The following FUT1 variants were observed in gnomAD, a reference collection of about 807,000 sequenced individuals.
FUT1 encodes galactoside alpha-(1,2)-fucosyltransferase 1.
For synonymous variants in FUT1, 215 were observed against 208.7 expected, an observed-to-expected ratio of 1.03 and a Z score of -0.26; for missense variants, 476 against 492.7, an observed-to-expected ratio of 0.97 and a Z score of 0.32.
chr19:48,751,790 T>C (rs1212269195), intron 1 of FUT1, among the ~76,000 whole-genome samples: 1 of 151,854 alleles, frequency 6.6e-6, no homozygotes. Context: ...TGTCTCTACT[T>C]AAAATACAAA....
At chr19:48,754,502 C>T (rs902970279), upstream of FUT1, among the ~76,000 whole-genome samples, 2 of 152,186 alleles carry the variant, frequency 1.3e-5, no homozygotes, top group Non-Finnish European at 2.9e-5. Flanking sequence ...GCCGGTGTGA[C>T]AGAAGGCTCA....
Position 48,750,291 on chromosome 19 carries a change from G to T in FUT1, c.991C>A (p.Pro331Thr), listed in dbSNP as rs1381389919. ...AAGATCTTCAGGAACTCAGAGTCTG[G>T]CAGGGTGAAGTTGGCCAGGTAGACA... ...DTVYLANFTL[P>T]DSEFLKIFKP... Residue 331 changes from proline (P) to threonine (T), a missense_variant, in exon 2 of 2, where the codon CCA (proline) becomes ACA (threonine). Transcript: ENST00000645652. The T allele has an allele frequency of 1.2e-6, 2 of 1,614,166 alleles. No homozygotes were observed. Among genetic ancestry groups the T allele is most frequent in the Non-Finnish European group, 1.7e-6 (2 of 1,180,036 alleles).
At position 48,752,552 on chromosome 19, in the gene FUT1, A is replaced by C. The variant is rs1023179372; in HGVS notation, c.-65T>G. ...TTCGTGGCCGGAGCGCACCCTCCGC[A>C]AAGGCAGGCCACATCCGGCCGCCCC... On this transcript the variant is annotated 5_prime_UTR_variant, in exon 1 of 2. Coordinates refer to ENST00000645652, the MANE Select transcript of FUT1 (RefSeq NM_001384359.1). This position sits in a 1 kb window ranked among gnomAD's most constrained non-coding sequence, Gnocchi z 4.3. The C allele has an allele frequency of 3.0e-6, 3 of 985,338 alleles. No individual in the cohort carries two copies. The highest frequency in any genetic ancestry group is 6.2e-5 in the Admixed American group (1 of 16,256). The allele number at this position is 985,338 out of a possible 1,614,324, so 61.0% of individuals were successfully genotyped here.
chr19:48,751,334 A>G, intron 1 of FUT1, 51 bp from the exon 2 acceptor site: 13 of 1,594,860 alleles, frequency 8.2e-6, no homozygotes, highest in Middle Eastern at 3.4e-4. Flanking sequence ...TGAGGAGGGG[A>G]GGCTGAGGAG....
Position 48,749,976 on chromosome 19 carries a change from G to T in FUT1, c.*208C>A. 1 of 646,012 alleles carries T rather than the reference G, an allele frequency of 1.5e-6. No individual in the cohort carries two copies. The highest frequency in any genetic ancestry group is 2.9e-5 in the Admixed American group (1 of 34,998). 40.0% of individuals were successfully genotyped at this position (646,012 alleles called of 1,614,324 possible). On this transcript the variant is annotated 3_prime_UTR_variant, in exon 2 of 2. Coordinates refer to ENST00000645652, the MANE Select transcript of FUT1 (RefSeq NM_001384359.1). ...TTCTAGAACTGCCTGCCAGCCATCA[G>T]GAAAAGATGTTTTGCTAGTTCTAGA...
At chr19:48,754,723 T>C (rs182707661), upstream of FUT1, among the ~76,000 whole-genome samples, 3 of 152,344 alleles carry the variant, frequency 2.0e-5, no homozygotes, top group Non-Finnish European at 4.4e-5. Flanking sequence ...TTTTCTTTAT[T>C]ATACTGAAAC....
Position 48,750,058 on chromosome 19 carries a change from A to C in FUT1, c.*126T>G. 1 of 1,125,580 alleles carries C rather than the reference A, an allele frequency of 8.9e-7. No homozygotes were observed. The highest frequency in any genetic ancestry group is 2.6e-5 in the East Asian group (1 of 39,110). The allele number at this position is 1,125,580 out of a possible 1,614,324, so 69.7% of individuals were successfully genotyped here. A position where few individuals can be genotyped will look rare whatever the true frequency, so the allele number is the denominator to read the frequency against. The stretch of plus-strand genomic sequence containing the variant: ...CTCTCCAACTCTCCCAACTAGAATC[A>C]CTCTGGATACGGGCACCCATTTGCT... On this transcript the variant is annotated 3_prime_UTR_variant, in exon 2 of 2. Coordinates refer to ENST00000645652, the MANE Select transcript of FUT1 (RefSeq NM_001384359.1).
At position 48,751,361 on chromosome 19, in the gene FUT1, A is replaced by T. The variant is rs1319178718; in HGVS notation, c.-2-78T>A. 6 of 1,490,652 alleles carry T rather than the reference A, an allele frequency of 4.0e-6. No individual in the cohort carries two copies. In the African/African-American group the frequency reaches 7.0e-5, roughly 17 times the overall value. The allele number at this position is 1,490,652 out of a possible 1,614,324, so 92.3% of individuals were successfully genotyped here. ...GCTGAGGAGGGATGTGGGGTAAGGG[A>T]GGCGCCTGGGGTGCAGCACTCCTTA... On this transcript the variant is annotated intron_variant, in intron 1 of 1. Coordinates refer to ENST00000645652, the MANE Select transcript of FUT1 (RefSeq NM_001384359.1).
Position 48,749,858 on chromosome 19 carries a change from A to G in FUT1, c.*326T>C, listed in dbSNP as rs2033966604. 1 of 399,934 alleles carries G rather than the reference A, an allele frequency of 2.5e-6. No individual in the cohort carries two copies. The highest frequency in any genetic ancestry group is 5.6e-5 in the East Asian group (1 of 17,848). The allele number at this position is 399,934 out of a possible 1,614,324, so 24.8% of individuals were successfully genotyped here. On this transcript the variant is annotated 3_prime_UTR_variant, in exon 2 of 2. Transcript: ENST00000645652. ...CCAGGGGAGAAGTAACCCCTCTTCT[A>G]GAGTAGACCAGAGGGAGAGTTCCCC...
Position 48,749,092 on chromosome 19 carries a change from A to C in FUT1, c.*1092T>G. 1 of 151,970 alleles carries C rather than the reference A, an allele frequency of 6.6e-6. No individual in the cohort carries two copies. The highest frequency in any genetic ancestry group is 1.9e-4 in the East Asian group (1 of 5,182). The allele number at this position is 151,970 out of a possible 1,614,324, so 9.4% of individuals were successfully genotyped here. On this transcript the variant is annotated 3_prime_UTR_variant, in exon 2 of 2. Transcript: ENST00000645652. ...CAGATCACGAGGTCAGGAGATCGAGACCATCCTGGTTAACACGATGAAACC... is the reference window on the plus strand; with the variant it reads ...CAGATCACGAGGTCAGGAGATCGAGCCCATCCTGGTTAACACGATGAAACC...
upstream of FUT1, chr19:48,755,187 A>C (rs4239487): frequency 0.14 from 6,683 of 46,170 alleles, 87 homozygotes; most frequent in African/African-American, 0.2. Context: ...ACAGGCCCAG[A>C]CCCTCCTCCC....
rs761249893 is a variant in FUT1 at position 48,750,221 on chromosome 19, G to C, written c.1061C>G (p.Ala354Gly). The change falls in exon 2 of 2, where the codon GCA becomes GGA. Residue 354 changes from alanine (A) to glycine (G), a missense_variant. Ala to Gly is a moderately conservative substitution (Grantham distance 60). Transcript: ENST00000645652. ...CAATGTCCAGAGTGGAGACAAGTCT[G>C]CATTAATGCCCACCCACTCGGGCAG... ...AFLPEWVGIN[A>G]DLSPLWTLAK... The C allele has an allele frequency of 7.4e-6, 12 of 1,611,644 alleles. No homozygotes were observed. The highest frequency in any genetic ancestry group is 9.3e-6 in the Non-Finnish European group (11 of 1,178,962).
rs904980599 is a variant in FUT1 at position 48,752,134 on chromosome 19, A to C, written c.-3+356T>G. On this transcript the variant is annotated intron_variant, in intron 1 of 1. Transcript: ENST00000645652. The surrounding 1 kb of genome is among the most constrained non-coding windows in gnomAD (Gnocchi z 4.3). Reference sequence around the variant, plus strand: ...TAAAAAAAAAAAAAAAAAAAAAAAAAGAAAGTGGTCCAGGTTCCTACACCT... The same window carrying C: ...TAAAAAAAAAAAAAAAAAAAAAAAACGAAAGTGGTCCAGGTTCCTACACCT... 2.5e-3 allele frequency among the ~76,000 whole-genome samples: 347 copies of C among 139,680 alleles called. No homozygotes were observed. Among genetic ancestry groups the C allele is most frequent in the African/African-American group, 9.0e-3 (334 of 37,074 alleles). 91.6% of individuals were successfully genotyped at this position (139,680 alleles called of 152,430 possible). A position where few individuals can be genotyped will look rare whatever the true frequency, so the allele number is the denominator to read the frequency against.
At chr19:48,754,809 A>G (rs1054167615), upstream of FUT1, among the ~76,000 whole-genome samples, 1 of 152,088 alleles carries the variant, frequency 6.6e-6, no homozygotes, top group Non-Finnish European at 1.5e-5. Flanking sequence ...TTCAAGATAC[A>G]TCAATGTCAA....
rs1470631235 is a variant in FUT1 at position 48,752,145 on chromosome 19, C to A, written c.-3+345G>T. On this transcript the variant is annotated intron_variant, in intron 1 of 1. Transcript: ENST00000645652. The surrounding 1 kb of genome is among the most constrained non-coding windows in gnomAD (Gnocchi z 4.3). ...AAAAAAAAAAAAAAAGAAAGTGGTC[C>A]AGGTTCCTACACCTTTCCTGAAGGA... Among the ~76,000 whole-genome samples the A allele has an allele frequency of 6.8e-6, 1 of 147,742 alleles. No homozygotes were observed. The highest frequency in any genetic ancestry group is 2.5e-5 in the African/African-American group (1 of 40,212).
In FUT1 at chr19:48,750,081, G is replaced by T. The variant is rs2033969507; in HGVS notation, c.*103C>A. 5.0e-6 allele frequency: 7 copies of T among 1,400,214 alleles called. No individual in the cohort carries two copies. Among genetic ancestry groups the T allele is most frequent in the Non-Finnish European group, 6.8e-6 (7 of 1,022,194 alleles). 86.7% of individuals were successfully genotyped at this position (1,400,214 alleles called of 1,614,324 possible). ...TCACTCTGGATACGGGCACCCATTT[G>T]CTTCAGGAACACCACAAGCTTCTCC... is the stretch of plus-strand genomic sequence containing the variant. On this transcript the variant is annotated 3_prime_UTR_variant, in exon 2 of 2. Transcript: ENST00000645652.
Position 48,751,270 on chromosome 19 carries a change from C to T in FUT1, c.12G>A (p.Arg4=). The change falls in exon 2 of 2, where the codon CGG becomes CGA. Residue 4 remains arginine (R), a synonymous_variant. Coordinates refer to ENST00000645652, the MANE Select transcript of FUT1 (RefSeq NM_001384359.1). Reference sequence around the variant, plus strand: ...AGGCCAGGCAGAGCTGACGATGGCTCCGGAGCCACATGGCTGCAGGGGAGG... The same window carrying T: ...AGGCCAGGCAGAGCTGACGATGGCTTCGGAGCCACATGGCTGCAGGGGAGG... MWL[R]SHRQLCLAFL... 2 of 1,613,570 alleles carry T rather than the reference C, an allele frequency of 1.2e-6. No individual in the cohort carries two copies. Among genetic ancestry groups the T allele is most frequent in the Non-Finnish European group, 8.5e-7 (1 of 1,179,584 alleles).
At chr19:48,754,622 C>T (rs1275575283), upstream of FUT1, among the ~76,000 whole-genome samples, 2 of 152,132 alleles carry the variant, frequency 1.3e-5, no homozygotes, top group Admixed American at 6.6e-5. Context: ...AAAGTAATAG[C>T]TAATGATTAA....
Position 48,752,416 on chromosome 19 carries a change from G to A in FUT1, c.-3+74C>T. 1.1e-6 allele frequency: 1 copy of A among 911,770 alleles called. No individual in the cohort carries two copies. Among genetic ancestry groups the A allele is most frequent in the South Asian group, 5.0e-5 (1 of 19,832 alleles). 56.5% of individuals were successfully genotyped at this position (911,770 alleles called of 1,614,324 possible). A position where few individuals can be genotyped will look rare whatever the true frequency, so the allele number is the denominator to read the frequency against. On this transcript the variant is annotated intron_variant, in intron 1 of 1. Transcript: ENST00000645652. The surrounding 1 kb of genome is among the most constrained non-coding windows in gnomAD (Gnocchi z 4.3). The stretch of plus-strand genomic sequence containing the variant: ...TTAGGAAGACCTGGAGAAGAGGTTG[G>A]GGGTGCACCTCCTGGTTCTGAAGGA...
Sources: gnomAD v4.1 joint callset for allele counts (sites outside exome capture counted in the v4.1 genomes callset) on GRCh38, gnomAD v4.1.1 for gene constraint, Gnocchi (gnomAD v3.1) non-coding constraint, MANE v1.5 for transcripts, NCBI Gene and HGNC (gene_info 2026-07-23, HGNC 2026-07-21) for gene names.